PIK3CA: variants seen among roughly 807,000 people sequenced by gnomAD.
PIK3CA encodes the protein phosphatidylinositol-4,5-bisphosphate 3-kinase catalytic subunit alpha.
Under a neutral mutation model 138.2 loss-of-function variants are expected in PIK3CA, and 27 were observed. The ratio of observed to expected loss-of-function variants is 0.20; its 90% CI spans 0.14 to 0.27. The LOEUF is 0.27. PIK3CA is among the 10% of genes least tolerant of loss of function. The pLI is 1.00. For synonymous variants in PIK3CA, 358 were observed against 413.2 expected (o/e 0.87, Z 1.62); for missense variants, 544 against 1,277.4 (o/e 0.43, Z 8.75).
intron 1 of PIK3CA, among the ~76,000 whole-genome samples, chr3:179,150,376 CAAG>C (rs1341893304): frequency 1.3e-5 from 2 of 151,750 alleles, no homozygotes; most frequent in Non-Finnish European, 2.9e-5. Flanking sequence ...GGGGAAATAA[CAAG>C]AAAGTAAAGG....
intron 17 of PIK3CA, among the ~76,000 whole-genome samples, chr3:179,226,591 T>C (rs1407894596): frequency 6.6e-6 from 1 of 152,080 alleles, no homozygotes; most frequent in Non-Finnish European, 1.5e-5. Flanking sequence ...TGCAAATCCA[T>C]AGTCATTCAG....
At chr3:179,200,981 T>G (rs1724395530) in intron 3 of PIK3CA, among the ~76,000 whole-genome samples, 1 of 152,170 alleles carries the variant, frequency 6.6e-6, no homozygotes, top group Admixed American at 6.5e-5. Context: ...TGAATCACTA[T>G]TCATAGGGGC....
chr3:179,207,657 T>A (rs111420326), intron 6 of PIK3CA, among the ~76,000 whole-genome samples: 30 of 150,658 alleles, frequency 2.0e-4, no homozygotes, highest in Non-Finnish European at 4.0e-4. Context: ...GTAGCTGGAG[T>A]TACAGGCGCC....
intron 1 of PIK3CA, among the ~76,000 whole-genome samples, chr3:179,156,210 G>A (rs1267834578): frequency 6.6e-6 from 1 of 152,220 alleles, no homozygotes; most frequent in African/African-American, 2.4e-5. Flanking sequence ...GAAAAGAATG[G>A]AGTGGAAGGA....
At chr3:179,157,465 T>C (rs1723166501) in intron 1 of PIK3CA, among the ~76,000 whole-genome samples, 1 of 152,142 alleles carries the variant, frequency 6.6e-6, no homozygotes, top group South Asian at 2.1e-4. Flanking sequence ...TGACCAGCTT[T>C]CAGATTTCTT....
At chr3:179,155,677 A>C (rs1210341925) in intron 1 of PIK3CA, among the ~76,000 whole-genome samples, 3 of 152,250 alleles carry the variant, frequency 2.0e-5, no homozygotes. Context: ...ATTTTATATA[A>C]GGGACTTGAA....
At chr3:179,181,439 G>A (rs933734520) in intron 1 of PIK3CA, among the ~76,000 whole-genome samples, 3 of 151,902 alleles carry the variant, frequency 2.0e-5, no homozygotes, top group East Asian at 1.9e-4. Context: ...ACTAGTGATG[G>A]GTAAGAACAC....
rs536067765 is a variant in PIK3CA at position 179,207,772 on chromosome 3, G to A, written c.1146-1823G>A. 2.6e-5 allele frequency among the ~76,000 whole-genome samples: 4 copies of A among 152,040 alleles called. No homozygotes were observed. The South Asian group carries it at 8.3e-4, about 32-fold the overall frequency. ...TGACCTCAGGTGATCCGTCCACCTT[G>A]GCCTCCCAAAGTGCTGGGATTACAG... On this transcript the variant is annotated intron_variant, in intron 6 of 20. Coordinates refer to ENST00000263967, the MANE Select transcript of PIK3CA (RefSeq NM_006218.4).
intron 1 of PIK3CA, among the ~76,000 whole-genome samples, chr3:179,164,716 A>G (rs1021550096): frequency 6.6e-6 from 1 of 152,200 alleles, no homozygotes; most frequent in South Asian, 2.1e-4. Flanking sequence ...TAAAAAATAT[A>G]AAATTAGCCA....
chr3:179,200,299 A>G (rs1442437985), intron 3 of PIK3CA, among the ~76,000 whole-genome samples: 7 of 152,054 alleles, frequency 4.6e-5, no homozygotes, highest in Non-Finnish European at 2.9e-5. Flanking sequence ...AGAAAAAAAT[A>G]AGTAATTTTC....
intron 1 of PIK3CA, among the ~76,000 whole-genome samples, chr3:179,167,314 T>C (rs945079335): frequency 5.3e-5 from 8 of 152,110 alleles, no homozygotes; most frequent in South Asian, 2.1e-4. Context: ...GTTTCTTAAT[T>C]TTGTTACCAT....
chr3:179,160,766 A>G (rs559214528), intron 1 of PIK3CA, among the ~76,000 whole-genome samples: 46 of 152,240 alleles, frequency 3.0e-4, no homozygotes, highest in Non-Finnish European at 5.7e-4. Context: ...CAAAAACCAC[A>G]TACATTATAC....
chr3:179,152,456 A>G (rs765109135), intron 1 of PIK3CA, among the ~76,000 whole-genome samples: 5 of 152,100 alleles, frequency 3.3e-5, no homozygotes, highest in African/African-American at 4.8e-5. Flanking sequence ...TATCAACAGT[A>G]TTGGCTTTGG....
intron 1 of PIK3CA, among the ~76,000 whole-genome samples, chr3:179,158,790 C>A (rs1276245325): frequency 1.3e-5 from 2 of 152,070 alleles, no homozygotes; most frequent in Non-Finnish European, 2.9e-5. Flanking sequence ...AAGTCTTTGC[C>A]TTTAATTACC....
At chr3:179,189,281 A>G (rs540487487) in intron 1 of PIK3CA, among the ~76,000 whole-genome samples, 1 of 152,282 alleles carries the variant, frequency 6.6e-6, no homozygotes, top group African/African-American at 2.4e-5. Context: ...TTAAATTCAT[A>G]TTTACAGTGC....
rs116648543 is a variant in PIK3CA at position 179,168,748 on chromosome 3, G to T, written c.-77+20145G>T. 6.5e-3 allele frequency among the ~76,000 whole-genome samples: 994 copies of T among 151,976 alleles called. 6 individuals are homozygous for T. The highest frequency in any genetic ancestry group is 0.01 in the Non-Finnish European group (713 of 67,950). ...ATCCTTATGATTTTATTTTTATATT[G>T]TGTTTGTTATTCTATTAAGATTCAT... is the stretch of plus-strand genomic sequence containing the variant. On this transcript the variant is annotated intron_variant, in intron 1 of 20. Transcript: ENST00000263967.
At chr3:179,155,352 A>G (rs1723108074) in intron 1 of PIK3CA, among the ~76,000 whole-genome samples, 1 of 152,184 alleles carries the variant, frequency 6.6e-6, no homozygotes, top group South Asian at 2.1e-4. Flanking sequence ...TTCTATCAGG[A>G]GCCATACGCT....
chr3:179,179,262 A>G (rs1723780591), intron 1 of PIK3CA, among the ~76,000 whole-genome samples: 1 of 152,284 alleles, frequency 6.6e-6, no homozygotes, highest in South Asian at 2.1e-4. Context: ...TGGAAATTGT[A>G]TAAACAAGCT....
At chr3:179,221,643 T>C (rs766018155) in intron 14 of PIK3CA, among the ~76,000 whole-genome samples, 23 of 151,344 alleles carry the variant, frequency 1.5e-4, no homozygotes, top group Admixed American at 3.3e-4. Context: ...TATCACACTC[T>C]AGTCATCTGC....
Sources: allele counts gnomAD v4.1 joint callset (sites outside exome capture counted in the v4.1 genomes callset), GRCh38; gene constraint gnomAD v4.1.1; transcripts MANE v1.5; gene names NCBI Gene and HGNC (gene_info 2026-07-23, HGNC 2026-07-21).